The following INSR variants were observed in gnomAD, a reference collection of about 807,000 sequenced individuals.
INSR encodes insulin receptor.
A neutral mutation model predicts 142.6 loss-of-function variants in INSR; 67 were observed. The observed-to-expected ratio is 0.47, with a 90% confidence interval of 0.39 to 0.58. INSR has a LOEUF of 0.58. Ranked by LOEUF, INSR falls within the 20% of genes least tolerant of loss-of-function variation. The pLI, the probability that INSR is intolerant of heterozygous loss-of-function variation, is 0.00. For missense variants in INSR, 1,248 were observed against 1,833.2 expected, an observed-to-expected ratio of 0.68 and a Z score of 5.83; for synonymous variants, 756 against 743.1, an observed-to-expected ratio of 1.02 and a Z score of -0.28.
intron 1 of INSR, among the ~76,000 whole-genome samples, chr19:7,279,364 C>T (rs1968145018): frequency 6.6e-6 from 1 of 151,408 alleles, no homozygotes; most frequent in Admixed American, 6.6e-5. Flanking sequence ...GAAGAAGGTA[C>T]TGAAGACAGC....
At chr19:7,274,454 T>C (rs1432818901) in intron 1 of INSR, among the ~76,000 whole-genome samples, 1 of 150,682 alleles carries the variant, frequency 6.6e-6, no homozygotes, top group Non-Finnish European at 1.5e-5. Flanking sequence ...ATGTGGTGTG[T>C]GCTTTACCCT....
intron 21 of INSR, 35 bp from the exon 22 acceptor site, chr19:7,117,445 G>A: frequency 6.5e-7 from 1 of 1,538,176 alleles, no homozygotes; most frequent in Non-Finnish European, 8.9e-7. Flanking sequence ...GGGTGAGTCT[G>A]GGGGCCCTGC....
At chr19:7,148,881 G>A (rs1480010749) in intron 11 of INSR, among the ~76,000 whole-genome samples, 9 of 149,884 alleles carry the variant, frequency 6.0e-5, no homozygotes, top group South Asian at 4.2e-4. Context: ...TGCAAGCTCC[G>A]CGTCCCAGGT....
chr19:7,132,063 G>T, intron 14 of INSR, 95 bp downstream of exon 14: 1 of 1,489,638 alleles, frequency 6.7e-7, no homozygotes, highest in Non-Finnish European at 9.4e-7. Flanking sequence ...GCCAGGGCCA[G>T]CACCTGCGGC....
intron 19 of INSR, among the ~76,000 whole-genome samples, chr19:7,122,336 G>A (rs1972511959): frequency 6.6e-6 from 1 of 151,270 alleles, no homozygotes. Context: ...CCAGCTACTT[G>A]GAAGGCTGAG....
chr19:7,272,713 T>G (rs1280913802), intron 1 of INSR, among the ~76,000 whole-genome samples: 2 of 152,174 alleles, frequency 1.3e-5, no homozygotes, highest in African/African-American at 4.8e-5. Flanking sequence ...CCAGTATAGC[T>G]GGAACCACAG....
chr19:7,135,475 G>GA (rs1972897911), intron 13 of INSR, among the ~76,000 whole-genome samples: 1 of 147,016 alleles, frequency 6.8e-6, no homozygotes, highest in East Asian at 2.0e-4. Context: ...GCCACAAAGC[G>GA]AGACTCCAGC....
chr19:7,137,184 C>T (rs1008851533), intron 13 of INSR, among the ~76,000 whole-genome samples: 2 of 151,608 alleles, frequency 1.3e-5, no homozygotes, highest in Non-Finnish European at 2.9e-5. Context: ...TAATTTTACT[C>T]CATTTACAAA....
intron 2 of INSR, among the ~76,000 whole-genome samples, chr19:7,199,819 G>T (rs1272207199): frequency 6.8e-6 from 1 of 147,176 alleles, no homozygotes; most frequent in East Asian, 2.0e-4. Flanking sequence ...TGCCCTCCCA[G>T]TATGCACGAG....
intron 11 of INSR, among the ~76,000 whole-genome samples, chr19:7,144,373 G>A (rs1181870044): frequency 6.6e-6 from 1 of 152,024 alleles, no homozygotes; most frequent in African/African-American, 2.4e-5. Flanking sequence ...CATTTGCTAC[G>A]TGAGTCGTCA....
Position 7,116,556 on chromosome 19 carries a change from A to G in INSR, c.*500T>C, listed in dbSNP as rs1160208440. ...AGCCTGGATGAGAGAAAAAAAAAAA[A>G]CCAAAAAAACCATCTTGAAGCTCAA... On this transcript the variant is annotated 3_prime_UTR_variant, in exon 22 of 22. Transcript: ENST00000302850. 6.6e-6 allele frequency: 1 copy of G among 151,830 alleles called. No individual in the cohort carries two copies. The highest frequency in any genetic ancestry group is 2.4e-5 in the African/African-American group (1 of 41,190). The allele number at this position is 151,830 out of a possible 1,614,324, so 9.4% of individuals were successfully genotyped here. A position where few individuals can be genotyped will look rare whatever the true frequency, so the allele number is the denominator to read the frequency against.
At chr19:7,269,765 T>C (rs1967859659) in intron 1 of INSR, among the ~76,000 whole-genome samples, 1 of 152,084 alleles carries the variant, frequency 6.6e-6, no homozygotes, top group Non-Finnish European at 1.5e-5. Context: ...GCAAAGACCA[T>C]CACTCAAGGA....
At chr19:7,132,397 A>G in intron 13 of INSR, 80 bp from the exon 14 acceptor site, 1 of 1,500,980 alleles carries the variant, frequency 6.7e-7, no homozygotes, top group East Asian at 2.4e-5. Flanking sequence ...GGGAGCTCAC[A>G]GCCAGGATCC....
intron 13 of INSR, among the ~76,000 whole-genome samples, chr19:7,136,993 C>T (rs982322768): frequency 5.9e-5 from 9 of 151,726 alleles, no homozygotes; most frequent in South Asian, 2.1e-4. Context: ...CCACCACGCC[C>T]GGCTAATTTT....
chr19:7,268,224 G>T (rs544681213), intron 1 of INSR, among the ~76,000 whole-genome samples: 2 of 152,102 alleles, frequency 1.3e-5, no homozygotes, highest in South Asian at 2.1e-4. Context: ...AGGAGAAAGG[G>T]GAACTGTCTC....
chr19:7,217,317 G>A (rs1355039334), intron 2 of INSR, among the ~76,000 whole-genome samples: 1 of 152,002 alleles, frequency 6.6e-6, no homozygotes, highest in Non-Finnish European at 1.5e-5. Flanking sequence ...GGATCCCTGC[G>A]ATGGCATTTG....
At chr19:7,277,811 G>T (rs1968105458) in intron 1 of INSR, among the ~76,000 whole-genome samples, 1 of 146,262 alleles carries the variant, frequency 6.8e-6, no homozygotes, top group Non-Finnish European at 1.5e-5. Flanking sequence ...AAAAACCAAG[G>T]CCGGACACGG....
chr19:7,261,624 G>A (rs543941416), intron 2 of INSR, among the ~76,000 whole-genome samples: 2 of 151,852 alleles, frequency 1.3e-5, no homozygotes, highest in East Asian at 1.9e-4. Context: ...TCTGCCTCTC[G>A]GGTTCGAGTG....
At chr19:7,177,814 T>C (rs921606390) in intron 3 of INSR, among the ~76,000 whole-genome samples, 1 of 150,522 alleles carries the variant, frequency 6.6e-6, no homozygotes, top group South Asian at 2.1e-4. Flanking sequence ...CCCAAAGTGC[T>C]GGGATTACAG....
Sources: gnomAD v4.1 joint callset for allele counts (sites outside exome capture counted in the v4.1 genomes callset) on GRCh38, gnomAD v4.1.1 for gene constraint, MANE v1.5 for transcripts, NCBI Gene and HGNC (gene_info 2026-07-23, HGNC 2026-07-21) for gene names.